The following CLIC6 variants were observed in gnomAD, a reference collection of about 807,000 sequenced individuals.
CLIC6 encodes the protein chloride intracellular channel protein 6.
CLIC6 carries 39 observed loss-of-function variants against 49.2 expected under a neutral mutation model. The observed-to-expected ratio is 0.79, with a 90% confidence interval of 0.61 to 1.04. The LOEUF (loss-of-function observed/expected upper bound fraction) is 1.04. Among genes scored for constraint, CLIC6 ranks in the 50% least tolerant of loss-of-function variants. CLIC6 has a pLI of 0.00. For synonymous variants in CLIC6, 446 were observed against 433.4 expected (o/e 1.03, Z -0.36); for missense variants, 988 against 993.1 (o/e 0.99, Z 0.07).
intron 1 of CLIC6, 81 bp from the exon 2 acceptor site, chr21:34,707,198 TG>T (rs746256788): frequency 4.8e-6 from 5 of 1,042,400 alleles, no homozygotes; most frequent in Admixed American, 1.7e-5. Context: ...CAACCTGCAA[TG>T]ATTTTGCATG....
At chr21:34,680,802 C>T (rs1055540725) in intron 1 of CLIC6, among the ~76,000 whole-genome samples, 3 of 152,240 alleles carry the variant, frequency 2.0e-5, no homozygotes, top group Non-Finnish European at 4.4e-5. Flanking sequence ...GTCTATATCA[C>T]TACCAGCATT....
chr21:34,690,274 G>A (rs1253869895), intron 1 of CLIC6, among the ~76,000 whole-genome samples: 1 of 152,170 alleles, frequency 6.6e-6, no homozygotes, highest in African/African-American at 2.4e-5. Context: ...CCACAGCACA[G>A]CCAAGTTATC....
chr21:34,688,402 C>T (rs914178130), intron 1 of CLIC6, among the ~76,000 whole-genome samples: 4 of 152,140 alleles, frequency 2.6e-5, no homozygotes, highest in Admixed American at 1.3e-4. Flanking sequence ...CGGAGAACGA[C>T]GGTTCACCCG....
intron 1 of CLIC6, among the ~76,000 whole-genome samples, chr21:34,677,071 G>A (rs780841882): frequency 3.3e-5 from 5 of 152,100 alleles, no homozygotes; most frequent in Admixed American, 3.3e-4. Flanking sequence ...ACAGGGAGAC[G>A]GTATCCAAGT....
At chr21:34,706,200 G>C in intron 1 of CLIC6, 1 of 523,636 alleles carries the variant, frequency 1.9e-6, no homozygotes, top group Non-Finnish European at 3.4e-6. Flanking sequence ...CAGTCGTGGA[G>C]GAGGGCAAAG....
intron 1 of CLIC6, among the ~76,000 whole-genome samples, chr21:34,679,163 C>G (rs1372755696): frequency 6.6e-6 from 1 of 152,204 alleles, no homozygotes; most frequent in African/African-American, 2.4e-5. Flanking sequence ...AATTGACTCA[C>G]AGTTCTGCAT....
At chr21:34,714,858 A>T (rs1378783889) in intron 5 of CLIC6, among the ~76,000 whole-genome samples, 2 of 152,224 alleles carry the variant, frequency 1.3e-5, no homozygotes, top group African/African-American at 4.8e-5. Context: ...GTTCAGTGTC[A>T]CGTTCATAGG....
In CLIC6 at chr21:34,670,386, A is replaced by T. The variant is rs1279158137; in HGVS notation, c.998A>T (p.Glu333Val). ...PGELAWDAAE[E>V]AEVPGVKGSE... ...GAGCTCGCCTGGGACGCAGCGGAGG[A>T]GGCGGAGGTCCCGGGGGTAAAGGGG... Residue 333 changes from glutamate to valine, a missense_variant, in exon 1 of 6, where the codon GAG (glutamate) becomes GTG (valine). This residue lies in a region of CLIC6 where 647 missense variants were observed against 596.9 expected (regional missense o/e 1.08). Transcript: ENST00000349499. 1 of 1,454,896 alleles carries T rather than the reference A, an allele frequency of 6.9e-7. No individual in the cohort carries two copies. The allele number at this position is 1,454,896 out of a possible 1,614,324, so 90.1% of individuals were successfully genotyped here. A position where few individuals can be genotyped will look rare whatever the true frequency, so the allele number is the denominator to read the frequency against.
rs768370724 is a variant in CLIC6 at position 34,670,516 on chromosome 21, G to A, written c.1128G>A (p.Arg376=). The change falls in exon 1 of 6, where the codon CGG becomes CGA. Residue 376 remains arginine (R), a synonymous_variant. Transcript: ENST00000349499. ...GGGAGGACGAAGAGAGACGAGAGCG[G>A]AGCCCGGAGGGGCCAAGGGAGGAGG... The part of the protein sequence containing the change: ...EPGEDEERRE[R]SPEGPREEEA... 63 of 1,495,250 alleles carry A rather than the reference G, an allele frequency of 4.2e-5. 1 individual carries two copies. The South Asian group carries it at 7.9e-4, about 19-fold the overall frequency. 92.6% of individuals were successfully genotyped at this position (1,495,250 alleles called of 1,614,324 possible). A position where few individuals can be genotyped will look rare whatever the true frequency, so the allele number is the denominator to read the frequency against.
rs142801906 is a variant in CLIC6, at chr21:34,705,450, C to T, written c.1375-1830C>T. On this transcript the variant is annotated intron_variant, in intron 1 of 5. Coordinates refer to ENST00000349499, the MANE Select transcript of CLIC6 (RefSeq NM_053277.3). ...GGGATGCTTTTCAGGGCCCATCTGC[C>T]GGGACTTGTTGTGACCACTTGGATG... 5.2e-3 allele frequency among the ~76,000 whole-genome samples: 797 copies of T among 152,208 alleles called. 10 individuals are homozygous for T. The highest frequency in any genetic ancestry group is 0.018 in the African/African-American group (750 of 41,518).
At chr21:34,706,079 G>C (rs1374232300) in intron 1 of CLIC6, 2 of 684,720 alleles carry the variant, frequency 2.9e-6, no homozygotes, top group East Asian at 5.4e-5. Flanking sequence ...AAATACCTGA[G>C]AGTGGGTAAT....
chr21:34,669,663 G>A lies in CLIC6; in HGVS notation c.275G>A (p.Gly92Asp), dbSNP rs1347790702. Reference sequence around the variant, plus strand: ...GAGGCCGAGGAGGGAGCCCCGGAGGGTGCCGAGGTGCCCCAAGGAGGGGAG... The same window carrying A: ...GAGGCCGAGGAGGGAGCCCCGGAGGATGCCGAGGTGCCCCAAGGAGGGGAG... ...ETEAEEGAPE[G>D]AEVPQGGEET... The change falls in exon 1 of 6, where the codon GGT becomes GAT. Residue 92 changes from glycine (G) to aspartate (D), a missense_variant. Around this residue, in one of 3 missense-constraint regions of CLIC6, gnomAD observed 284 missense variants for 278.6 expected, o/e 1.02. Transcript: ENST00000349499. 3 of 1,345,218 alleles carry A rather than the reference G, an allele frequency of 2.2e-6. No individual in the cohort carries two copies. Among genetic ancestry groups the A allele is most frequent in the Non-Finnish European group, 2.8e-6 (3 of 1,054,488 alleles). The allele number at this position is 1,345,218 out of a possible 1,614,324, so 83.3% of individuals were successfully genotyped here. A position where few individuals can be genotyped will look rare whatever the true frequency, so the allele number is the denominator to read the frequency against.
intron 5 of CLIC6, among the ~76,000 whole-genome samples, chr21:34,712,677 AG>A (rs2067591943): frequency 6.6e-6 from 1 of 152,152 alleles, no homozygotes; most frequent in South Asian, 2.1e-4. Context: ...AACAGTCTGG[AG>A]GGGAGGTAAA....
At chr21:34,699,629 T>C (rs1285221960) in intron 1 of CLIC6, among the ~76,000 whole-genome samples, 1 of 152,102 alleles carries the variant, frequency 6.6e-6, no homozygotes, top group Non-Finnish European at 1.5e-5. Flanking sequence ...CCTTAATTCC[T>C]GTTCTGCAAA....
intron 1 of CLIC6, among the ~76,000 whole-genome samples, chr21:34,701,158 C>T (rs868789707): frequency 6.1e-4 from 89 of 145,798 alleles, no homozygotes; most frequent in African/African-American, 2.1e-3. Flanking sequence ...AAAAATTAGC[C>T]GGGCGCGGTG....
intron 1 of CLIC6, among the ~76,000 whole-genome samples, chr21:34,699,313 G>A (rs1354644372): frequency 6.6e-6 from 1 of 151,918 alleles, no homozygotes. Flanking sequence ...GTGCAGTGGG[G>A]AAATCTCAGC....
At position 34,669,815 on chromosome 21, in the gene CLIC6, C is replaced by A; in HGVS notation, c.427C>A (p.Gln143Lys). The change falls in exon 1 of 6, where the codon CAG (glutamine) becomes AAG (lysine). Residue 143 changes from glutamine to lysine, a missense_variant. Physicochemically the swap from Gln to Lys is moderately conservative, Grantham distance 53. Coordinates refer to ENST00000349499, the MANE Select transcript of CLIC6 (RefSeq NM_053277.3). Reference protein sequence around the residue: ...AAPERQEEAEQRPEVPEGSAS... With the variant: ...AAPERQEEAEKRPEVPEGSAS... ...CCCCGAGAGGCAGGAGGAGGCGGAGCAGAGGCCTGAGGTCCCGGAAGGTAG... is the reference window on the plus strand; with the variant it reads ...CCCCGAGAGGCAGGAGGAGGCGGAGAAGAGGCCTGAGGTCCCGGAAGGTAG... 7.1e-7 allele frequency: 1 copy of A among 1,411,470 alleles called. No individual in the cohort carries two copies. Among genetic ancestry groups the A allele is most frequent in the South Asian group, 1.5e-5 (1 of 66,634 alleles). 87.4% of individuals were successfully genotyped at this position (1,411,470 alleles called of 1,614,324 possible).
At chr21:34,673,123 G>A (rs1014068140) in intron 1 of CLIC6, among the ~76,000 whole-genome samples, 5 of 152,146 alleles carry the variant, frequency 3.3e-5, no homozygotes, top group Non-Finnish European at 5.9e-5. Flanking sequence ...TACTGCTTGG[G>A]AGGAGTTTGT....
At chr21:34,678,211 C>T (rs1989709794) in intron 1 of CLIC6, among the ~76,000 whole-genome samples, 2 of 150,850 alleles carry the variant, frequency 1.3e-5, no homozygotes, top group African/African-American at 4.9e-5. Context: ...GCGGGCAGAT[C>T]ACGAGGTCAG....
Sources: gnomAD v4.1 joint callset for allele counts (sites outside exome capture counted in the v4.1 genomes callset) on GRCh38, gnomAD v4.1.1 for gene constraint, gnomAD v4.1.1 regional missense constraint, MANE v1.5 for transcripts, NCBI Gene and HGNC (gene_info 2026-07-23, HGNC 2026-07-21) for gene names.